Variants in XIRP2 observed in about 807,000 individuals in gnomAD.
The protein encoded by XIRP2 is xin actin-binding repeat-containing protein 2.
XIRP2 carries 236 observed loss-of-function variants against 277.0 expected under a neutral mutation model. The ratio of observed to expected loss-of-function variants is 0.85; its 90% CI spans 0.77 to 0.95. XIRP2 has a LOEUF of 0.95. Among genes scored for constraint, XIRP2 ranks in the 40% least tolerant of loss-of-function variants. The pLI is 0.00. For synonymous variants in XIRP2, 1,490 were observed against 1,416.5 expected, an observed-to-expected ratio of 1.05 and a Z score of -1.17; for missense variants, 4,640 against 4,157.5, an observed-to-expected ratio of 1.12 and a Z score of -3.19.
At chr2:166,955,547 A>T (rs575335711) in intron 2 of XIRP2, among the ~76,000 whole-genome samples, 1 of 151,878 alleles carries the variant, frequency 6.6e-6, no homozygotes, top group Admixed American at 6.6e-5. Context: ...TGACCCATAC[A>T]CTTGAAATAA....
At chr2:167,000,425 C>T (rs1687333495) in intron 2 of XIRP2, among the ~76,000 whole-genome samples, 1 of 151,202 alleles carries the variant, frequency 6.6e-6, no homozygotes, top group Non-Finnish European at 1.5e-5. Context: ...CACTACGTTT[C>T]TCTGATCTCT....
chr2:167,062,715 T>A (rs1689202696), intron 2 of XIRP2, among the ~76,000 whole-genome samples: 2 of 152,198 alleles, frequency 1.3e-5, no homozygotes, highest in Admixed American at 1.3e-4. Flanking sequence ...ATTACAGTTA[T>A]TTTTTTCTCT....
rs765119236 is a variant in XIRP2 at position 167,251,056 on chromosome 2, C to A, written c.9664C>A (p.Arg3222Ser). The A allele has an allele frequency of 9.3e-6, 15 of 1,613,514 alleles. No individual in the cohort carries two copies. Among genetic ancestry groups the A allele is most frequent in the East Asian group, 8.9e-5 (4 of 44,852 alleles). ...AATCATCATGTCTCCTGCAACACTT[C>A]GTCGTCAAATTAAGATAGAAACTCG... Reference protein sequence around the residue: ...SEIIMSPATLRRQIKIETRGR... With the variant: ...SEIIMSPATLSRQIKIETRGR... The change falls in exon 9 of 11, where the codon CGT (arginine) becomes AGT (serine). Residue 3222 changes from arginine (R) to serine (S), a missense_variant. Arg to Ser is a moderately radical substitution (Grantham distance 110). Coordinates refer to ENST00000409195, the MANE Select transcript of XIRP2 (RefSeq NM_152381.6).
intron 2 of XIRP2, among the ~76,000 whole-genome samples, chr2:167,031,831 A>G (rs960382125): frequency 6.6e-6 from 1 of 152,190 alleles, no homozygotes; most frequent in Non-Finnish European, 1.5e-5. Flanking sequence ...AAAAAATTCC[A>G]TGCTCATAGA....
intron 1 of XIRP2, among the ~76,000 whole-genome samples, chr2:166,891,478 T>C (rs1684103328): frequency 2.0e-5 from 3 of 152,172 alleles, no homozygotes; most frequent in African/African-American, 7.2e-5. Context: ...ATTGACAATA[T>C]ATAATAATAA....
intron 2 of XIRP2, among the ~76,000 whole-genome samples, chr2:167,035,161 T>A (rs1006695962): frequency 6.6e-6 from 1 of 152,164 alleles, no homozygotes; most frequent in Admixed American, 6.5e-5. Context: ...AGCATGAACA[T>A]GGATTAATAC....
chr2:166,971,874 T>C (rs1180801952), intron 2 of XIRP2, among the ~76,000 whole-genome samples: 1 of 152,152 alleles, frequency 6.6e-6, no homozygotes, highest in Non-Finnish European at 1.5e-5. Context: ...TTGTATAAAG[T>C]AGTGCCCATG....
At chr2:166,996,562 G>A (rs1687226033) in intron 2 of XIRP2, among the ~76,000 whole-genome samples, 1 of 152,144 alleles carries the variant, frequency 6.6e-6, no homozygotes, top group South Asian at 2.1e-4. Context: ...AGGAGGCAGA[G>A]GTTTCAGTGA....
intron 2 of XIRP2, among the ~76,000 whole-genome samples, chr2:167,023,558 A>G (rs1392969136): frequency 6.6e-6 from 1 of 152,132 alleles, no homozygotes; most frequent in Non-Finnish European, 1.5e-5. Context: ...GGTAATGCCT[A>G]GGTTTTCTTC....
chr2:166,938,654 A>G (rs1042884819), intron 2 of XIRP2, among the ~76,000 whole-genome samples: 3 of 152,040 alleles, frequency 2.0e-5, no homozygotes, highest in Non-Finnish European at 2.9e-5. Context: ...TATCCTTGTT[A>G]ACTTTCTGTC....
chr2:167,113,995 G>A (rs563587066), intron 2 of XIRP2, among the ~76,000 whole-genome samples: 100 of 152,180 alleles, frequency 6.6e-4, no homozygotes, highest in Non-Finnish European at 1.1e-3. Context: ...TAAGGTTTCC[G>A]CTTTTAGCCT....
chr2:167,107,585 A>T (rs994599278), intron 2 of XIRP2, among the ~76,000 whole-genome samples: 2 of 151,614 alleles, frequency 1.3e-5, no homozygotes, highest in Admixed American at 1.3e-4. Flanking sequence ...TTTGTATATT[A>T]AAAATTATAT....
intron 2 of XIRP2, among the ~76,000 whole-genome samples, chr2:167,025,509 T>C (rs1045396844): frequency 1.3e-5 from 2 of 151,780 alleles, no homozygotes; most frequent in Non-Finnish European, 2.9e-5. Flanking sequence ...TTTGAATGTG[T>C]TTGCTCTTGC....
At chr2:166,940,193 A>C (rs1685664593) in intron 2 of XIRP2, among the ~76,000 whole-genome samples, 2 of 151,854 alleles carry the variant, frequency 1.3e-5, no homozygotes, top group African/African-American at 4.8e-5. Flanking sequence ...CATTTCCTTC[A>C]TTTGATCTTC....
At position 167,245,450 on chromosome 2, in the gene XIRP2, T is replaced by C. The variant is rs1194462742; in HGVS notation, c.4058T>C (p.Leu1353Pro). 2 of 1,613,640 alleles carry C rather than the reference T, an allele frequency of 1.2e-6. No individual in the cohort carries two copies. Residue 1353 changes from leucine (L) to proline (P), a missense_variant, in exon 9 of 11, where the codon CTT becomes CCT. Leu to Pro is a moderately conservative substitution (Grantham distance 98, BLOSUM62 -3). Coordinates refer to ENST00000409195, the MANE Select transcript of XIRP2 (RefSeq NM_152381.6). ...GGAGATGTGCGAGGAACAAGGTGGCTTTTTGAAACAAAGCCATTAGACTCT... is the reference window on the plus strand; with the variant it reads ...GGAGATGTGCGAGGAACAAGGTGGCCTTTTGAAACAAAGCCATTAGACTCT... ...IHGDVRGTRW[L>P]FETKPLDSIN...
chr2:166,936,805 G>T (rs561335850), intron 2 of XIRP2, among the ~76,000 whole-genome samples: 9 of 152,066 alleles, frequency 5.9e-5, no homozygotes, highest in Non-Finnish European at 8.8e-5. Context: ...ATGCTGTTTT[G>T]GTTACTGTAG....
At chr2:166,979,521 T>C (rs1035543691) in intron 2 of XIRP2, among the ~76,000 whole-genome samples, 3 of 151,912 alleles carry the variant, frequency 2.0e-5, no homozygotes, top group Non-Finnish European at 4.4e-5. Context: ...AGGGTTTTTT[T>C]TTTAGAGATA....
chr2:167,258,389 G>A lies in XIRP2; in HGVS notation c.*572G>A. On this transcript the variant is annotated 3_prime_UTR_variant, in exon 11 of 11. Transcript: ENST00000409195. ...CACCCATGTTTGTCAGAAAGAGGAT[G>A]TTATAGGAATCAAAGAAATGAAAAT... is the stretch of plus-strand genomic sequence containing the variant. 1 of 1,613,326 alleles carries A rather than the reference G, an allele frequency of 6.2e-7. No individual in the cohort carries two copies. Among genetic ancestry groups the A allele is most frequent in the South Asian group, 1.1e-5 (1 of 91,052 alleles).
rs755952112 is a variant in XIRP2 at position 167,242,565 on chromosome 2, A to G, written c.1177-4A>G. 5.7e-5 allele frequency: 92 copies of G among 1,605,440 alleles called. No homozygotes were observed. Among genetic ancestry groups the G allele is most frequent in the Non-Finnish European group, 7.7e-5 (90 of 1,175,326 alleles). On this transcript the variant is annotated splice_polypyrimidine_tract_variant and splice_region_variant and intron_variant, in intron 8 of 10. Transcript: ENST00000409195. ...TATAAGATTTGATTTTCTCTCCCCT[A>G]AAGACTGAAAGTGAATATGAAGAGA... is the stretch of plus-strand genomic sequence containing the variant.
Sources: gnomAD v4.1 joint callset for allele counts (sites outside exome capture counted in the v4.1 genomes callset) on GRCh38, gnomAD v4.1.1 for gene constraint, MANE v1.5 for transcripts, NCBI Gene and HGNC (gene_info 2026-07-23, HGNC 2026-07-21) for gene names.